ITGA4: variants seen among roughly 807,000 people sequenced by gnomAD.
ITGA4 encodes the protein integrin subunit alpha 4.
ITGA4 carries 63 observed loss-of-function variants against 133.6 expected under a neutral mutation model. The ratio of observed to expected loss-of-function variants is 0.47; its 90% CI spans 0.38 to 0.58. ITGA4 has a LOEUF of 0.58. Among genes scored for constraint, ITGA4 ranks in the 20% least tolerant of loss-of-function variants. The pLI is 0.00. For synonymous variants in ITGA4, 483 were observed against 438.0 expected (o/e 1.10, Z -1.28); for missense variants, 1,076 against 1,252.7 (o/e 0.86, Z 2.13).
intron 10 of ITGA4, 70 bp downstream of exon 10, chr2:181,486,062 A>G (rs1243504350): frequency 6.6e-7 from 1 of 1,515,230 alleles, no homozygotes; most frequent in Non-Finnish European, 8.8e-7. Flanking sequence ...AATATGATTA[A>G]AGTTTTGTAT....
chr2:181,490,143 A>T (rs1477101145), intron 10 of ITGA4, among the ~76,000 whole-genome samples: 1 of 152,174 alleles, frequency 6.6e-6, no homozygotes, highest in Non-Finnish European at 1.5e-5. Context: ...AGATAACATA[A>T]CCAATTAGGT....
Position 181,535,475 on chromosome 2 carries a change from AAAACAG to A in ITGA4, c.3050_3055del (p.Asn1017_Arg1018del). 6.2e-7 allele frequency: 1 copy of A among 1,610,006 alleles called. No individual in the cohort carries two copies. Among genetic ancestry groups the A allele is most frequent in the Non-Finnish European group, 8.5e-7 (1 of 1,177,846 alleles). ...CAATACAAATCTATCCTACAAGAAG[AAAACAG>A]AAGAGACAGTTGGAGTTATATCAAC... On this transcript the variant is annotated inframe_deletion, in exon 28 of 28. Transcript: ENST00000397033.
chr2:181,459,982 T>A (rs1253975630), intron 2 of ITGA4, among the ~76,000 whole-genome samples: 1 of 142,584 alleles, frequency 7.0e-6, no homozygotes, highest in Non-Finnish European at 1.5e-5. Context: ...AAAAAATTGT[T>A]TGGGCATGTG....
Position 181,535,678 on chromosome 2 carries a change from C to A in ITGA4, c.*151C>A, listed in dbSNP as rs913014067. On this transcript the variant is annotated 3_prime_UTR_variant, in exon 28 of 28. Transcript: ENST00000397033. Reference sequence around the variant, plus strand: ...TTATGTCTTCATGCAAGGGGAAAATCTCAGCAATGATTACTCTTTGAGATA... The same window carrying A: ...TTATGTCTTCATGCAAGGGGAAAATATCAGCAATGATTACTCTTTGAGATA... 7.5e-6 allele frequency: 7 copies of A among 933,804 alleles called. No individual in the cohort carries two copies. Among genetic ancestry groups the A allele is most frequent in the Non-Finnish European group, 9.1e-6 (6 of 656,390 alleles). The allele number at this position is 933,804 out of a possible 1,614,324, so 57.8% of individuals were successfully genotyped here.
rs571038356 is a variant in ITGA4, at chr2:181,478,254, A to G, written c.557-503A>G. ...TGAAAGATGTTGGCATTTGTGTAGG[A>G]TGAATAAGTCTAGAGATCTAATGTA... On this transcript the variant is annotated intron_variant, in intron 4 of 27. Coordinates refer to ENST00000397033, the MANE Select transcript of ITGA4 (RefSeq NM_000885.6). Among the ~76,000 whole-genome samples the G allele has an allele frequency of 4.7e-5, 7 of 149,416 alleles. No individual in the cohort carries two copies. In the East Asian group the frequency reaches 1.4e-3, roughly 29 times the overall value.
intron 4 of ITGA4, among the ~76,000 whole-genome samples, chr2:181,476,876 C>CAA (rs970538922): frequency 2.6e-5 from 4 of 152,078 alleles, no homozygotes; most frequent in Admixed American, 2.0e-4. Context: ...AACAGAAAAC[C>CAA]AAATACCACA....
At chr2:181,491,212 A>T (rs1451026943) in intron 10 of ITGA4, among the ~76,000 whole-genome samples, 3 of 152,160 alleles carry the variant, frequency 2.0e-5, no homozygotes, top group Non-Finnish European at 4.4e-5. Context: ...ATTTGCCTTA[A>T]TCTAGATCAC....
At position 181,538,706 on chromosome 2, in the gene ITGA4, G is replaced by A. The variant is rs1263516317; in HGVS notation, c.*3179G>A. On this transcript the variant is annotated 3_prime_UTR_variant, in exon 28 of 28. Coordinates refer to ENST00000397033, the MANE Select transcript of ITGA4 (RefSeq NM_000885.6). ...AACATGTTACAGTAATTATGAGTGA[G>A]AGGAAACTAAGATGGAAGGATAAAA... 6.6e-6 allele frequency among the ~76,000 whole-genome samples: 1 copy of A among 152,166 alleles called. No homozygotes were observed. The highest frequency in any genetic ancestry group is 1.5e-5 in the Non-Finnish European group (1 of 68,022).
At chr2:181,507,067 C>A (rs1356478764) in intron 15 of ITGA4, among the ~76,000 whole-genome samples, 1 of 151,986 alleles carries the variant, frequency 6.6e-6, no homozygotes, top group East Asian at 1.9e-4. Flanking sequence ...TTGAAACAGC[C>A]ATATGAAAAG....
At chr2:181,531,804 T>A (rs112699927) in intron 25 of ITGA4, 28 bp downstream of exon 25, 1 of 1,544,380 alleles carries the variant, frequency 6.5e-7, no homozygotes. Flanking sequence ...ATTGACAACT[T>A]GGTGGCTAAG....
chr2:181,481,680 TA>T lies in ITGA4; in HGVS notation c.839del (p.Lys280ArgfsTer12). ...GGAPQHEQIG[K>X]AYIFSIDEKE... ...GAGCTCCTCAACATGAGCAGATTGGTAAGGTAAGAATTACATTTTTATATTT... is the reference window on the plus strand; with the variant it reads ...GAGCTCCTCAACATGAGCAGATTGGTAGGTAAGAATTACATTTTTATATTT... On this transcript the variant is annotated frameshift_variant and splice_region_variant, in exon 7 of 28. Transcript: ENST00000397033. LOFTEE classifies it high-confidence loss of function. 1 of 1,556,910 alleles carries T rather than the reference TA, an allele frequency of 6.4e-7. No homozygotes were observed. Among genetic ancestry groups the T allele is most frequent in the South Asian group, 1.1e-5 (1 of 88,620 alleles).
In ITGA4 at chr2:181,485,828, T is replaced by A. The variant is rs1574389600; in HGVS notation, c.1042-53T>A. The A allele has an allele frequency of 2.1e-6, 3 of 1,435,460 alleles. No homozygotes were observed. In the East Asian group the frequency reaches 7.0e-5, roughly 33 times the overall value. The allele number at this position is 1,435,460 out of a possible 1,614,324, so 88.9% of individuals were successfully genotyped here. A position where few individuals can be genotyped will look rare whatever the true frequency, so the allele number is the denominator to read the frequency against. On this transcript the variant is annotated intron_variant, in intron 9 of 27. Transcript: ENST00000397033. ...TATCCAATTACAACAGTAAATCGTG[T>A]AAAGTTGTCAGGGAGTGTTATAATG...
At chr2:181,510,975 G>A (rs1559051964) in intron 16 of ITGA4, among the ~76,000 whole-genome samples, 1 of 151,934 alleles carries the variant, frequency 6.6e-6, no homozygotes, top group Admixed American at 6.6e-5. Context: ...CTGTAGGCAC[G>A]CTATTTGACA....
rs1686146090 is a variant in ITGA4, at chr2:181,495,847, T to C, written c.1450T>C (p.Phe484Leu). ...SHPESVNRTK[F>L]DCVENGWPSV... ...CCCTGAGTCAGTAAATAGAACGAAA[T>C]TTGACTGTGTTGAAAATGGATGGCC... is the stretch of plus-strand genomic sequence containing the variant. Residue 484 changes from phenylalanine to leucine, a missense_variant, in exon 14 of 28, where the codon TTT becomes CTT. Around this residue, in one of 4 missense-constraint regions of ITGA4, gnomAD observed 436 missense variants for 590.7 expected, o/e 0.74. Transcript: ENST00000397033. The surrounding 1 kb of genome is among the most constrained non-coding windows in gnomAD (Gnocchi z 4.3). The C allele has an allele frequency of 1.2e-6, 2 of 1,613,906 alleles. No individual in the cohort carries two copies. The highest frequency in any genetic ancestry group is 1.7e-6 in the Non-Finnish European group (2 of 1,179,834).
In ITGA4 at chr2:181,538,227, A is replaced by C; in HGVS notation, c.*2700A>C. On this transcript the variant is annotated 3_prime_UTR_variant, in exon 28 of 28. Coordinates refer to ENST00000397033, the MANE Select transcript of ITGA4 (RefSeq NM_000885.6). The stretch of plus-strand genomic sequence containing the variant: ...TTCCATGCTTCCTCCATAAAGACTG[A>C]TAAGTCTTGGATGCAATCTGTAAAG... 6.3e-7 allele frequency: 1 copy of C among 1,591,160 alleles called. No homozygotes were observed. The highest frequency in any genetic ancestry group is 8.6e-7 in the Non-Finnish European group (1 of 1,160,154).
intron 10 of ITGA4, among the ~76,000 whole-genome samples, chr2:181,487,291 C>G (rs969972184): frequency 5.3e-5 from 8 of 152,186 alleles, no homozygotes; most frequent in Non-Finnish European, 2.9e-5. Context: ...ATAACCTCAT[C>G]CCAGACAGGG....
In ITGA4 at chr2:181,495,897, T is replaced by C. The variant is rs1490776668; in HGVS notation, c.1500T>C (p.Leu500=). The C allele has an allele frequency of 1.2e-6, 2 of 1,614,048 alleles. No homozygotes were observed. Among genetic ancestry groups the C allele is most frequent in the East Asian group, 4.5e-5 (2 of 44,878 alleles). ...CTTCTGTGTGCATAGATCTAACACT[T>C]TGTTTCTCATATAAGGGCAAGGAAG... ...GWPSVCIDLT[L]CFSYKGKEVP... The change falls in exon 14 of 28, where the codon CTT becomes CTC. Residue 500 remains leucine (L), a synonymous_variant. Transcript: ENST00000397033. The surrounding 1 kb of genome is among the most constrained non-coding windows in gnomAD (Gnocchi z 4.3).
At chr2:181,521,011 C>G (rs1686708148) in intron 17 of ITGA4, among the ~76,000 whole-genome samples, 1 of 152,142 alleles carries the variant, frequency 6.6e-6, no homozygotes, top group African/African-American at 2.4e-5. Flanking sequence ...TATTCAAACA[C>G]TAATCTTCTC....
At chr2:181,500,979 A>G (rs1686256033) in intron 15 of ITGA4, among the ~76,000 whole-genome samples, 2 of 152,172 alleles carry the variant, frequency 1.3e-5, no homozygotes, top group South Asian at 4.1e-4. Flanking sequence ...GAAGGAGTGA[A>G]GCGGAGAATT....
Sources: gnomAD v4.1 joint callset for allele counts (sites outside exome capture counted in the v4.1 genomes callset) on GRCh38, gnomAD v4.1.1 for gene constraint, gnomAD v4.1.1 regional missense constraint, Gnocchi (gnomAD v3.1) non-coding constraint, MANE v1.5 for transcripts, NCBI Gene and HGNC (gene_info 2026-07-23, HGNC 2026-07-21) for gene names.